The following CNTNAP2 variants were observed in gnomAD, a reference collection of about 807,000 sequenced individuals.
CNTNAP2 encodes the protein contactin-associated protein-like 2.
A neutral mutation model predicts 155.2 loss-of-function variants in CNTNAP2; 98 were observed. That is an observed-to-expected ratio of 0.63 (90% CI 0.54 to 0.75). The LOEUF (loss-of-function observed/expected upper bound fraction) is 0.75. CNTNAP2 is among the 30% of genes least tolerant of loss of function. The probability of loss-of-function intolerance (pLI) is 0.00; values close to 1 mark genes in which losing one functional copy is unlikely to be tolerated. For missense variants in CNTNAP2, 1,727 were observed against 1,688.1 expected (o/e 1.02, Z -0.40); for synonymous variants, 651 against 631.2 (o/e 1.03, Z -0.47).
At chr7:148,133,003 T>A (rs1210993596) in intron 16 of CNTNAP2, among the ~76,000 whole-genome samples, 1 of 152,196 alleles carries the variant, frequency 6.6e-6, no homozygotes, top group Non-Finnish European at 1.5e-5. Flanking sequence ...TATCCCTTCA[T>A]CCCTGATGAA....
intron 9 of CNTNAP2, among the ~76,000 whole-genome samples, chr7:147,339,608 T>C (rs1417331953): frequency 6.6e-6 from 1 of 152,060 alleles, no homozygotes; most frequent in Admixed American, 6.6e-5. Flanking sequence ...AAAAATAAAA[T>C]ATTCATAGGT....
chr7:147,928,751 T>C (rs1800443322), intron 14 of CNTNAP2, among the ~76,000 whole-genome samples: 1 of 152,118 alleles, frequency 6.6e-6, no homozygotes, highest in Admixed American at 6.6e-5. Flanking sequence ...AAAAACCACA[T>C]CTTATAATGT....
chr7:146,621,780 G>A (rs1799321746), intron 1 of CNTNAP2, among the ~76,000 whole-genome samples: 1 of 152,078 alleles, frequency 6.6e-6, no homozygotes, highest in African/African-American at 2.4e-5. Context: ...GTAGTATTGG[G>A]AAGGAAGTCC....
intron 20 of CNTNAP2, among the ~76,000 whole-genome samples, chr7:148,257,587 G>C (rs1434418502): frequency 6.6e-6 from 1 of 152,184 alleles, no homozygotes; most frequent in African/African-American, 2.4e-5. Context: ...GCAGGGCTTG[G>C]CAATGTAGGT....
At chr7:147,940,324 A>AAAAAAAAC (rs1800696119) in intron 14 of CNTNAP2, 1 of 149,286 alleles carries the variant, frequency 6.7e-6, no homozygotes, top group Non-Finnish European at 1.5e-5. Flanking sequence ...AAAAAAAAAA[A>AAAAAAAAC]TGGCTTTAGA....
intron 18 of CNTNAP2, among the ~76,000 whole-genome samples, chr7:148,196,149 A>T (rs527698793): frequency 6.6e-6 from 1 of 152,320 alleles, no homozygotes; most frequent in Admixed American, 6.5e-5. Context: ...ACGTCAGATT[A>T]ATTTTCCCCA....
chr7:148,274,367 G>A (rs1796834603), intron 21 of CNTNAP2, among the ~76,000 whole-genome samples: 1 of 151,872 alleles, frequency 6.6e-6, no homozygotes, highest in South Asian at 2.1e-4. Flanking sequence ...CTTTGCTCTC[G>A]CACCCTTGGG....
At chr7:146,651,908 A>G (rs1585025589) in intron 1 of CNTNAP2, among the ~76,000 whole-genome samples, 1 of 152,120 alleles carries the variant, frequency 6.6e-6, no homozygotes, top group East Asian at 1.9e-4. Context: ...ACAGACTCAG[A>G]CCACGTGCAC....
At chr7:148,338,492 C>T (rs924277982) in intron 21 of CNTNAP2, among the ~76,000 whole-genome samples, 3 of 151,996 alleles carry the variant, frequency 2.0e-5, no homozygotes, top group African/African-American at 7.3e-5. Context: ...CCCGACCTAG[C>T]CTCTTACCCA....
At chr7:146,553,974 C>A (rs1349139216) in intron 1 of CNTNAP2, among the ~76,000 whole-genome samples, 1 of 152,088 alleles carries the variant, frequency 6.6e-6, no homozygotes, top group Non-Finnish European at 1.5e-5. Flanking sequence ...GAAATAAATA[C>A]TTGAAATGTT....
intron 12 of CNTNAP2, among the ~76,000 whole-genome samples, chr7:147,629,307 G>A (rs1326653898): frequency 1.3e-5 from 2 of 151,896 alleles, no homozygotes; most frequent in African/African-American, 4.8e-5. Context: ...GGAGGCTGAG[G>A]CAGGAGAATC....
At chr7:147,128,256 T>A (rs1007007981) in intron 6 of CNTNAP2, among the ~76,000 whole-genome samples, 6 of 152,202 alleles carry the variant, frequency 3.9e-5, no homozygotes, top group Non-Finnish European at 8.8e-5. Flanking sequence ...TATCCCTTGC[T>A]TTGGGCTGCA....
chr7:147,064,928 C>G (rs1240550345), intron 4 of CNTNAP2, among the ~76,000 whole-genome samples: 1 of 152,162 alleles, frequency 6.6e-6, no homozygotes, highest in Non-Finnish European at 1.5e-5. Flanking sequence ...ATGAAATAAG[C>G]TGATGAAAGT....
chr7:147,754,389 A>AT (rs1251637107), intron 13 of CNTNAP2, among the ~76,000 whole-genome samples: 2 of 152,214 alleles, frequency 1.3e-5, no homozygotes, highest in Non-Finnish European at 2.9e-5. Flanking sequence ...AGAACTTAAG[A>AT]TATCAGTGAA....
intron 13 of CNTNAP2, among the ~76,000 whole-genome samples, chr7:147,742,900 G>A (rs544664673): frequency 3.9e-5 from 6 of 152,148 alleles, no homozygotes; most frequent in African/African-American, 1.2e-4. Flanking sequence ...AATCATCCTC[G>A]ATGTGGTCCC....
chr7:146,668,657 T>G (rs1800243223), intron 1 of CNTNAP2, among the ~76,000 whole-genome samples: 1 of 152,136 alleles, frequency 6.6e-6, no homozygotes, highest in African/African-American at 2.4e-5. Flanking sequence ...AGACTTTTTA[T>G]TACTGATTCA....
At chr7:146,265,574 T>C (rs1275006938) in intron 1 of CNTNAP2, among the ~76,000 whole-genome samples, 18 of 151,542 alleles carry the variant, frequency 1.2e-4, no homozygotes, top group Non-Finnish European at 2.9e-5. Context: ...TTCTCATGCC[T>C]CAGCCTCCTG....
intron 10 of CNTNAP2, among the ~76,000 whole-genome samples, chr7:147,479,150 C>G (rs1798375744): frequency 6.6e-6 from 1 of 152,212 alleles, no homozygotes; most frequent in South Asian, 2.1e-4. Flanking sequence ...CCCTTGTCTT[C>G]CCTCCACGTA....
intron 1 of CNTNAP2, among the ~76,000 whole-genome samples, chr7:146,400,359 T>C (rs1204370685): frequency 6.6e-6 from 1 of 152,206 alleles, no homozygotes; most frequent in Non-Finnish European, 1.5e-5. Flanking sequence ...TTCTCGACTT[T>C]GTTTCTGCTA....
Sources: gnomAD v4.1 joint callset for allele counts (sites outside exome capture counted in the v4.1 genomes callset) on GRCh38, gnomAD v4.1.1 for gene constraint, MANE v1.5 for transcripts, NCBI Gene and HGNC (gene_info 2026-07-23, HGNC 2026-07-21) for gene names.